Variants in DNPEP observed in about 807,000 individuals in gnomAD.
DNPEP encodes the protein aspartyl aminopeptidase.
Under a neutral mutation model 59.1 loss-of-function variants are expected in DNPEP, and 46 were observed. That is an observed-to-expected ratio of 0.78 (90% CI 0.61 to 0.99). The LOEUF (loss-of-function observed/expected upper bound fraction) is 0.99. Among genes scored for constraint, DNPEP ranks in the 50% least tolerant of loss-of-function variants. DNPEP has a pLI of 0.00. For synonymous variants in DNPEP, 229 were observed against 242.2 expected, an observed-to-expected ratio of 0.95 and a Z score of 0.50; for missense variants, 617 against 649.9, an observed-to-expected ratio of 0.95 and a Z score of 0.55.
intron 1 of DNPEP, among the ~76,000 whole-genome samples, chr2:219,397,533 G>C (rs539674979): frequency 6.6e-6 from 1 of 152,070 alleles, no homozygotes; most frequent in African/African-American, 2.4e-5. Flanking sequence ...GAATAGGTTT[G>C]GGGAACAAGG....
intron 1 of DNPEP, chr2:219,387,455 C>T: frequency 7.0e-7 from 1 of 1,433,226 alleles, no homozygotes; most frequent in South Asian, 1.5e-5. Context: ...GTTCTGCTCC[C>T]AAACTCCGGG....
intron 1 of DNPEP, 47 bp downstream of exon 1, chr2:219,387,712 C>T (rs755764736): frequency 1.1e-5 from 17 of 1,606,998 alleles, no homozygotes; most frequent in Admixed American, 6.7e-5. Context: ...GGGCGCCGGA[C>T]CCGGTCTGGG....
chr2:219,386,387 G>T lies in DNPEP; in HGVS notation c.358C>A (p.Gln120Lys). The stretch of plus-strand genomic sequence containing the variant: ...ACACCGACTTGCTGGAAGCCCACCT[G>T]GCTGCGGCGAGACCGACGTTTCACC... ...LRVKRRSRRS[Q>K]VGFQQVGVET... The change falls in exon 5 of 15, where the codon CAG becomes AAG. Residue 120 changes from glutamine (Q) to lysine (K), a missense_variant. Coordinates refer to ENST00000273075, the MANE Select transcript of DNPEP (RefSeq NM_012100.4). 2.5e-6 allele frequency: 4 copies of T among 1,614,216 alleles called. No homozygotes were observed. The highest frequency in any genetic ancestry group is 3.4e-6 in the Non-Finnish European group (4 of 1,180,042).
chr2:219,385,551 TG>T lies in DNPEP; in HGVS notation c.667-21del. ...CTCATCCTGAAGAGCAGAAAGATGC[TG>T]GGAAGAGTCCATTCCTCCTCTCCTC... On this transcript the variant is annotated intron_variant, in intron 7 of 14. Transcript: ENST00000273075. The T allele has an allele frequency of 1.9e-6, 3 of 1,607,002 alleles. No individual in the cohort carries two copies. The highest frequency in any genetic ancestry group is 1.7e-4 in the Middle Eastern group (1 of 6,040).
intron 1 of DNPEP, among the ~76,000 whole-genome samples, chr2:219,397,012 CTG>C (rs1311353184): frequency 6.6e-6 from 1 of 152,220 alleles, no homozygotes; most frequent in Non-Finnish European, 1.5e-5. Flanking sequence ...TTATGGAACA[CTG>C]TAAAACTGGC....
rs757370867 is a variant in DNPEP, at chr2:219,385,514, C to T, written c.684G>A (p.Ser228=). ...PLNAVDERHH[S]VLMSLLCAHL... Reference sequence around the variant, plus strand: ...GGGCACAGAGCAGGGACATGAGGACCGAATGGTGCCGCTCATCCTGAAGAG... The same window carrying T: ...GGGCACAGAGCAGGGACATGAGGACTGAATGGTGCCGCTCATCCTGAAGAG... Residue 228 remains serine (S), a synonymous_variant, in exon 8 of 15, where the codon TCG becomes TCA. Transcript: ENST00000273075. 29 of 1,602,972 alleles carry T rather than the reference C, an allele frequency of 1.8e-5. No individual in the cohort carries two copies. The highest frequency in any genetic ancestry group is 2.3e-5 in the Non-Finnish European group (27 of 1,171,102).
At chr2:219,380,285 G>A (rs1053108419) in intron 13 of DNPEP, among the ~76,000 whole-genome samples, 3 of 147,874 alleles carry the variant, frequency 2.0e-5, no homozygotes, top group South Asian at 2.1e-4. Flanking sequence ...GCACGATCTC[G>A]GCTCACTGCA....
chr2:219,396,598 A>G (rs1575002926), intron 1 of DNPEP, among the ~76,000 whole-genome samples: 1 of 148,898 alleles, frequency 6.7e-6, no homozygotes, highest in East Asian at 1.9e-4. Flanking sequence ...AAAAAAAAAG[A>G]AAAAAAAAGA....
chr2:219,394,320 G>T (rs1158456813), intron 1 of DNPEP, among the ~76,000 whole-genome samples: 1 of 152,150 alleles, frequency 6.6e-6, no homozygotes, highest in Non-Finnish European at 1.5e-5. Flanking sequence ...ATAGCCGTTT[G>T]CTCTCCTGGG....
intron 4 of DNPEP, 31 bp downstream of exon 4, chr2:219,386,634 C>A: frequency 6.3e-7 from 1 of 1,584,262 alleles, no homozygotes. Context: ...CTGACATCTC[C>A]TCCCACCCCA....
At chr2:219,384,691 C>T (rs1321807195) in intron 8 of DNPEP, 5 of 364,384 alleles carry the variant, frequency 1.4e-5, no homozygotes, top group Non-Finnish European at 2.6e-5. Flanking sequence ...GCCTCAGCCT[C>T]CTGAGTAGCT....
intron 14 of DNPEP, 132 bp from the exon 15 acceptor site, chr2:219,374,474 C>A: frequency 1.3e-6 from 1 of 794,126 alleles, no homozygotes; most frequent in South Asian, 1.6e-5. Flanking sequence ...ACAGCCACCC[C>A]AGTCTTCTCA....
intron 7 of DNPEP, 42 bp downstream of exon 7, chr2:219,385,589 G>C: frequency 2.5e-6 from 4 of 1,610,888 alleles, no homozygotes; most frequent in Non-Finnish European, 3.4e-6. Context: ...CCACTTCTCA[G>C]GGGACTCTGC....
At position 219,383,157 on chromosome 2, in the gene DNPEP, T is replaced by C. The variant is rs778556501; in HGVS notation, c.910A>G (p.Met304Val). The change falls in exon 10 of 15, where the codon ATG (methionine) becomes GTG (valine). Residue 304 changes from methionine to valine, a missense_variant. By Grantham distance (21) the Met-to-Val change is conservative. Coordinates refer to ENST00000273075, the MANE Select transcript of DNPEP (RefSeq NM_012100.4). ...GSLATEPHVR[M>V]VTLYDNEEVG... The stretch of plus-strand genomic sequence containing the variant: ...TCTTCGTTGTCATAGAGTGTGACCA[T>C]GCGCACGTGAGGCTCTGTGGCCAGG... 8.7e-6 allele frequency: 14 copies of C among 1,614,072 alleles called. No homozygotes were observed. In the South Asian group the frequency reaches 9.9e-5, roughly 11 times the overall value.
chr2:219,384,337 G>A (rs775982398), intron 9 of DNPEP, 29 bp downstream of exon 9: 1 of 1,590,666 alleles, frequency 6.3e-7, no homozygotes, highest in South Asian at 1.1e-5. Context: ...TGGTGGTTAT[G>A]TGCTGCCTGG....
chr2:219,386,770 C>A lies in DNPEP; in HGVS notation c.228G>T (p.Met76Ile). 1 of 1,613,022 alleles carries A rather than the reference C, an allele frequency of 6.2e-7. No homozygotes were observed. Among genetic ancestry groups the A allele is most frequent in the South Asian group, 1.1e-5 (1 of 90,852 alleles). The stretch of plus-strand genomic sequence containing the variant: ...CTATGATGGTGGAGGAGTTCCTGGT[C>A]ATGAAGTACTGAGGAGAAGGGGAGG... Reference protein sequence around the residue: ...WNIKPESKYFMTRNSSTIIAF... With the variant: ...WNIKPESKYFITRNSSTIIAF... The change falls in exon 4 of 15, where the codon ATG (methionine) becomes ATT (isoleucine). Residue 76 changes from methionine (M) to isoleucine (I), a missense_variant. Met to Ile is a conservative substitution (Grantham distance 10). Transcript: ENST00000273075.
chr2:219,380,571 C>T (rs1056645643), intron 13 of DNPEP, among the ~76,000 whole-genome samples: 21 of 152,134 alleles, frequency 1.4e-4, no homozygotes, highest in Admixed American at 3.3e-4. Flanking sequence ...GTTACAGTTA[C>T]CTACAGTTTT....
At position 219,386,783 on chromosome 2, in the gene DNPEP, G is replaced by T. The variant is rs765701358; in HGVS notation, c.220-5C>A. The stretch of plus-strand genomic sequence containing the variant: ...GGAGTTCCTGGTCATGAAGTACTGA[G>T]GAGAAGGGGAGGAAAGACAGGGGTG... On this transcript the variant is annotated splice_region_variant and splice_polypyrimidine_tract_variant and intron_variant, in intron 3 of 14. Coordinates refer to ENST00000273075, the MANE Select transcript of DNPEP (RefSeq NM_012100.4). The T allele has an allele frequency of 6.2e-7, 1 of 1,612,694 alleles. No homozygotes were observed. Among genetic ancestry groups the T allele is most frequent in the South Asian group, 1.1e-5 (1 of 90,908 alleles).
At chr2:219,381,055 T>C (rs559800575) in intron 13 of DNPEP, among the ~76,000 whole-genome samples, 10 of 152,258 alleles carry the variant, frequency 6.6e-5, no homozygotes, top group African/African-American at 1.9e-4. Flanking sequence ...TCAGTCTTCA[T>C]AGAAATCCAG....
Sources: gnomAD v4.1 joint callset for allele counts (sites outside exome capture counted in the v4.1 genomes callset) on GRCh38, gnomAD v4.1.1 for gene constraint, MANE v1.5 for transcripts, NCBI Gene and HGNC (gene_info 2026-07-23, HGNC 2026-07-21) for gene names.